Variants in CNKSR2 observed in about 807,000 individuals in gnomAD.
The protein encoded by CNKSR2 is connector enhancer of kinase suppressor of Ras 2.
In CNKSR2, 14 loss-of-function variants were observed where a neutral mutation model predicts 84.4. The ratio of observed to expected loss-of-function variants is 0.17; its 90% CI spans 0.11 to 0.26. CNKSR2 has a LOEUF of 0.26. Among genes scored for constraint, CNKSR2 ranks in the 10% least tolerant of loss-of-function variants. The pLI, the probability that CNKSR2 is intolerant of heterozygous loss-of-function variation, is 1.00. For synonymous variants in CNKSR2, 275 were observed against 277.9 expected (o/e 0.99, Z 0.10); for missense variants, 485 against 771.2 (o/e 0.63, Z 4.40).
chrX:21,615,520 A>G (rs1369082251), intron 20 of CNKSR2, among the ~76,000 whole-genome samples: 1 of 111,822 alleles, frequency 8.9e-6, no homozygotes, highest in Non-Finnish European at 1.9e-5. Flanking sequence ...GTCAAATCAT[A>G]TGGTAATAAT....
chrX:21,520,552 G>C (rs1203296439), intron 9 of CNKSR2, among the ~76,000 whole-genome samples: 1 of 110,439 alleles, frequency 9.1e-6, no homozygotes, highest in African/African-American at 3.3e-5. Flanking sequence ...ATTAATATGT[G>C]TAGGCCAAGA....
intron 20 of CNKSR2, among the ~76,000 whole-genome samples, chrX:21,633,478 C>G (rs1241537423): frequency 8.9e-6 from 1 of 112,275 alleles, no homozygotes; most frequent in African/African-American, 3.2e-5. Flanking sequence ...GTTTTGTTTA[C>G]TAGCAAGAAG....
rs369579092 is a variant in CNKSR2, at chrX:21,490,467, T to C, written c.570T>C (p.Thr190=). Residue 190 remains threonine, a synonymous_variant, in exon 6 of 22, where the codon ACT becomes ACC. Coordinates refer to ENST00000379510, the MANE Select transcript of CNKSR2 (RefSeq NM_014927.5). ...TGTTTTTGTGCTTCCAGTGTAAAAC[T>C]CTTTCTGGAGTCTGTGACCACATCA... ...TENKILHVCK[T]LSGVCDHIIS... is the part of the protein sequence containing the mutation. 8.3e-7 allele frequency: 1 copy of C among 1,201,571 alleles called. No homozygotes were observed.
intron 1 of CNKSR2, among the ~76,000 whole-genome samples, chrX:21,414,246 T>G (rs769993582): frequency 1.4e-4 from 16 of 111,487 alleles, no homozygotes; most frequent in South Asian, 3.8e-4. Context: ...CTGCTTGTCT[T>G]TTGGATATAA....
chrX:21,589,826 G>A lies in CNKSR2; in HGVS notation c.1609-746G>A, dbSNP rs774401305. Among the ~76,000 whole-genome samples, 18 of 111,442 alleles carry A rather than the reference G, an allele frequency of 1.6e-4. No individual in the cohort carries two copies. In the South Asian group the frequency reaches 2.3e-3, roughly 14 times the overall value. On this transcript the variant is annotated intron_variant, in intron 13 of 21. Coordinates refer to ENST00000379510, the MANE Select transcript of CNKSR2 (RefSeq NM_014927.5). The stretch of plus-strand genomic sequence containing the variant: ...ACTAAGAGGAAAGAAAGAAATACAG[G>A]CACAAGAGGGTAGTTAGGTCAATGA...
At chrX:21,588,949 G>C (rs1230730888) in intron 13 of CNKSR2, among the ~76,000 whole-genome samples, 1 of 112,541 alleles carries the variant, frequency 8.9e-6, no homozygotes, top group Non-Finnish European at 1.9e-5. Flanking sequence ...ATAACTATCT[G>C]TAAATGAGCT....
At chrX:21,610,668 G>A (rs975607221) in intron 20 of CNKSR2, among the ~76,000 whole-genome samples, 4 of 112,087 alleles carry the variant, frequency 3.6e-5, no homozygotes, top group Admixed American at 9.5e-5. Context: ...AAAGCAGAGT[G>A]TAGCCTTCAG....
intron 20 of CNKSR2, chrX:21,641,964 T>C: frequency 2.6e-6 from 2 of 766,839 alleles, no homozygotes; most frequent in Non-Finnish European, 3.1e-6. Flanking sequence ...AACACCTCAG[T>C]TGTGTTCTCC....
chrX:21,540,593 A>C (rs1397052791), intron 11 of CNKSR2, among the ~76,000 whole-genome samples: 3 of 112,215 alleles, frequency 2.7e-5, no homozygotes, highest in African/African-American at 6.5e-5. Flanking sequence ...ATGGTAATTT[A>C]ATCTCTTAGC....
At chrX:21,588,018 G>A (rs2092399098) in intron 13 of CNKSR2, among the ~76,000 whole-genome samples, 1 of 111,582 alleles carries the variant, frequency 9.0e-6, no homozygotes, top group Non-Finnish European at 1.9e-5. Context: ...TCCCATGATA[G>A]GTCACACAGA....
At position 21,374,630 on chromosome X, in the gene CNKSR2, A is replaced by AGCAGCC. The variant is rs547454548; in HGVS notation, c.-266_-265insAGCCGC. ...CAGCAGCAGCAGCAGCAGCAGCAGCAGCCGCCGCCGCCGCCGCCTTAGCGG... is the reference window on the plus strand; with the variant it reads ...CAGCAGCAGCAGCAGCAGCAGCAGCAGCAGCCGCCGCCGCCGCCGCCGCCTTAGCGG... On this transcript the variant is annotated 5_prime_UTR_variant, in exon 1 of 22. Transcript: ENST00000379510. 0.01 allele frequency: 4,463 copies of AGCAGCC among 444,326 alleles called. 12 individuals are homozygous for AGCAGCC. Among genetic ancestry groups the AGCAGCC allele is most frequent in the Middle Eastern group, 0.018 (30 of 1,670 alleles). The allele number at this position is 444,326 out of a possible 1,213,427, so 36.6% of individuals were successfully genotyped here.
At chrX:21,520,048 G>A (rs2091767400) in intron 9 of CNKSR2, among the ~76,000 whole-genome samples, 1 of 111,250 alleles carries the variant, frequency 9.0e-6, no homozygotes, top group South Asian at 3.7e-4. Flanking sequence ...TAACTACAAT[G>A]ATGAATTTTG....
intron 15 of CNKSR2, chrX:21,592,330 C>A (rs2092426058): frequency 8.9e-6 from 1 of 112,128 alleles, no homozygotes; most frequent in East Asian, 2.8e-4. Context: ...CCTGTAATGA[C>A]AGCACTTTGG....
intron 1 of CNKSR2, among the ~76,000 whole-genome samples, chrX:21,421,173 C>G (rs1264030082): frequency 9.1e-6 from 1 of 110,306 alleles, no homozygotes; most frequent in African/African-American, 3.3e-5. Flanking sequence ...AGGACAGCAG[C>G]AAGTTCAATG....
At chrX:21,426,817 A>C (rs2090571279) in intron 2 of CNKSR2, 157 bp downstream of exon 2, 1 of 536,828 alleles carries the variant, frequency 1.9e-6, no homozygotes, top group East Asian at 3.9e-5. Context: ...CCTTCCTTAA[A>C]TTTATTATAT....
chrX:21,589,647 A>G (rs1319230545), intron 13 of CNKSR2, among the ~76,000 whole-genome samples: 1 of 111,858 alleles, frequency 8.9e-6, no homozygotes, highest in African/African-American at 3.2e-5. Context: ...ACCAATCAAT[A>G]TAGTTGTGGG....
intron 9 of CNKSR2, among the ~76,000 whole-genome samples, chrX:21,523,381 A>C (rs2091803499): frequency 9.0e-6 from 1 of 111,265 alleles, no homozygotes; most frequent in African/African-American, 3.2e-5. Context: ...TTTTATCCAT[A>C]AGTGTTGATA....
At chrX:21,579,604 A>G (rs1445256435) in intron 13 of CNKSR2, among the ~76,000 whole-genome samples, 1 of 112,367 alleles carries the variant, frequency 8.9e-6, no homozygotes, top group East Asian at 2.8e-4. Context: ...AAACAGCCAT[A>G]TGAAATACAC....
chrX:21,584,305 C>A (rs1386652648), intron 13 of CNKSR2, among the ~76,000 whole-genome samples: 2 of 112,203 alleles, frequency 1.8e-5, no homozygotes, highest in South Asian at 3.7e-4. Flanking sequence ...ATTAAGATTA[C>A]AACCTGTATT....
Sources: gnomAD v4.1 joint callset for allele counts (sites outside exome capture counted in the v4.1 genomes callset) on GRCh38, gnomAD v4.1.1 for gene constraint, MANE v1.5 for transcripts, NCBI Gene and HGNC (gene_info 2026-07-23, HGNC 2026-07-21) for gene names.